The following DCP1A variants were observed in gnomAD, a reference collection of about 807,000 sequenced individuals.
DCP1A encodes decapping mRNA 1A.
Under a neutral mutation model 58.0 loss-of-function variants are expected in DCP1A, and 20 were observed. The observed-to-expected ratio is 0.34, with a 90% CI of 0.24 to 0.50. The LOEUF (loss-of-function observed/expected upper bound fraction) is 0.50. Ranked by LOEUF, DCP1A falls within the 20% of genes least tolerant of loss-of-function variation. DCP1A has a pLI of 0.98. For missense variants in DCP1A, 613 were observed against 712.2 expected (o/e 0.86, Z 1.59); for synonymous variants, 285 against 275.1 (o/e 1.04, Z -0.36).
chr3:53,345,049 A>G (rs1183055638), intron 1 of DCP1A, 107 bp from the exon 2 acceptor site: 9 of 874,492 alleles, frequency 1.0e-5, no homozygotes, highest in Non-Finnish European at 1.4e-5. Flanking sequence ...GTTTCATTTC[A>G]TCTATTATAA....
At chr3:53,320,208 A>C (rs1707922687) in intron 3 of DCP1A, among the ~76,000 whole-genome samples, 1 of 152,136 alleles carries the variant, frequency 6.6e-6, no homozygotes, top group Admixed American at 6.5e-5. Context: ...CCTATGACTG[A>C]CTGTTTACAT....
chr3:53,331,401 A>C (rs1167598315), intron 3 of DCP1A, among the ~76,000 whole-genome samples: 4 of 152,016 alleles, frequency 2.6e-5, no homozygotes, highest in African/African-American at 9.7e-5. Context: ...TTAAGATTAT[A>C]ATACCACATT....
chr3:53,284,275 A>T lies in DCP1A; in HGVS notation c.*3305T>A, dbSNP rs1553684817. On this transcript the variant is annotated 3_prime_UTR_variant, in exon 10 of 10. Transcript: ENST00000610213. ...GGCACCTTCAATTTCATGTTGCATT[A>T]TTAGTAATACAATGGCAGTTAGGGC... 6.6e-6 allele frequency: 1 copy of T among 152,186 alleles called. No homozygotes were observed. Among genetic ancestry groups the T allele is most frequent in the Non-Finnish European group, 1.5e-5 (1 of 68,036 alleles). 9.4% of individuals were successfully genotyped at this position (152,186 alleles called of 1,614,324 possible).
intron 3 of DCP1A, among the ~76,000 whole-genome samples, chr3:53,330,553 C>T (rs1181180907): frequency 3.3e-5 from 5 of 150,814 alleles, no homozygotes; most frequent in African/African-American, 7.3e-5. Context: ...TTCACCCTTA[C>T]CAAGAAGGCA....
At position 53,284,768 on chromosome 3, in the gene DCP1A, T is replaced by C. The variant is rs1706571766; in HGVS notation, c.*2812A>G. 6.6e-6 allele frequency: 1 copy of C among 152,046 alleles called. No individual in the cohort carries two copies. Among genetic ancestry groups the C allele is most frequent in the Non-Finnish European group, 1.5e-5 (1 of 68,088 alleles). The allele number at this position is 152,046 out of a possible 1,614,324, so 9.4% of individuals were successfully genotyped here. A position where few individuals can be genotyped will look rare whatever the true frequency, so the allele number is the denominator to read the frequency against. On this transcript the variant is annotated 3_prime_UTR_variant, in exon 10 of 10. Transcript: ENST00000610213. ...GTCAGGCTGGGACTTGGGTTCTTAA[T>C]AAAATACCACTCTCTGTGATGGCTA... is the stretch of plus-strand genomic sequence containing the variant.
intron 2 of DCP1A, among the ~76,000 whole-genome samples, chr3:53,343,146 T>C (rs1553692775): frequency 6.6e-6 from 1 of 152,234 alleles, no homozygotes; most frequent in Non-Finnish European, 1.5e-5. Context: ...AACAGAACAC[T>C]ATTCTATAGA....
At chr3:53,294,623 A>AG (rs1707053362) in intron 6 of DCP1A, among the ~76,000 whole-genome samples, 1 of 152,254 alleles carries the variant, frequency 6.6e-6, no homozygotes, top group South Asian at 2.1e-4. Context: ...AGGAGGCTGC[A>AG]GCGACACAGC....
intron 2 of DCP1A, 124 bp from the exon 3 acceptor site, chr3:53,342,395 C>G: frequency 1.3e-6 from 1 of 744,564 alleles, no homozygotes. Flanking sequence ...ATATTATCAG[C>G]ACTTACATCT....
At position 53,292,257 on chromosome 3, in the gene DCP1A, T is replaced by C; in HGVS notation, c.1195A>G (p.Arg399Gly). ...LPSVDLLQKL[R>G]LTPQHDQIQT... is the part of the protein sequence containing the mutation. ...ATTTGGTCATGCTGTGGGGTCAACC[T>C]GAGTTTCTGGAGAAGATCAACGCTT... Residue 399 changes from arginine (R) to glycine (G), a missense_variant, in exon 7 of 10, where the codon AGG becomes GGG. Physicochemically the swap from Arg to Gly is moderately radical, Grantham distance 125. This residue lies in a region of DCP1A where 498 missense variants were observed against 556.7 expected (regional missense o/e 0.89). Coordinates refer to ENST00000610213, the MANE Select transcript of DCP1A (RefSeq NM_018403.7). 1 of 1,613,992 alleles carries C rather than the reference T, an allele frequency of 6.2e-7. No homozygotes were observed. The highest frequency in any genetic ancestry group is 8.5e-7 in the Non-Finnish European group (1 of 1,179,890).
Position 53,292,751 on chromosome 3 carries a change from A to G in DCP1A, c.701T>C (p.Val234Ala). 1.2e-6 allele frequency: 2 copies of G among 1,613,822 alleles called. No individual in the cohort carries two copies. The highest frequency in any genetic ancestry group is 1.7e-6 in the Non-Finnish European group (2 of 1,179,882). Residue 234 changes from valine (V) to alanine (A), a missense_variant, in exon 7 of 10, where the codon GTT (valine) becomes GCT (alanine). Val to Ala is a moderately conservative substitution (Grantham distance 64). Transcript: ENST00000610213. ...GTSLPKEQPA[V>A]VGLDSEEMER... ...CATTTCTTCTGAATCCAGACCCACA[A>G]CTGCTGGTTGTTCCTTTGGCAAAGA...
chr3:53,314,667 C>CTT (rs1167830951), intron 4 of DCP1A, among the ~76,000 whole-genome samples: 2,147 of 86,682 alleles, frequency 0.025, 126 homozygotes, highest in African/African-American at 0.085. Context: ...TTTTCTTTTT[C>CTT]TTTTTTTTTT....
At chr3:53,313,115 A>T (rs1559692777) in intron 4 of DCP1A, among the ~76,000 whole-genome samples, 2 of 152,192 alleles carry the variant, frequency 1.3e-5, no homozygotes, top group African/African-American at 4.8e-5. Context: ...GCTAGCAAGG[A>T]CAAAGTCAGT....
chr3:53,321,364 C>T (rs553992638), intron 3 of DCP1A, among the ~76,000 whole-genome samples: 4 of 152,156 alleles, frequency 2.6e-5, no homozygotes, highest in Non-Finnish European at 4.4e-5. Flanking sequence ...TAGGGGTTAA[C>T]GGAGAGACTA....
Position 53,292,053 on chromosome 3 carries a change from AC to A in DCP1A, c.1383+15del. 6.9e-7 allele frequency: 1 copy of A among 1,448,894 alleles called. No individual in the cohort carries two copies. The highest frequency in any genetic ancestry group is 9.4e-7 in the Non-Finnish European group (1 of 1,068,804). The allele number at this position is 1,448,894 out of a possible 1,614,324, so 89.8% of individuals were successfully genotyped here. ...ACAGTTACCCACTCTGCCCACCCCCACCCTCCTGCCATTACCTGAAGGGGAG... is the reference window on the plus strand; with the variant it reads ...ACAGTTACCCACTCTGCCCACCCCCACCTCCTGCCATTACCTGAAGGGGAG... On this transcript the variant is annotated intron_variant, in intron 7 of 9. Coordinates refer to ENST00000610213, the MANE Select transcript of DCP1A (RefSeq NM_018403.7).
intron 2 of DCP1A, among the ~76,000 whole-genome samples, chr3:53,342,609 T>C (rs2089225995): frequency 6.6e-6 from 1 of 152,190 alleles, no homozygotes. Context: ...TCTCTGCGTG[T>C]GTGCTTCTAC....
chr3:53,290,749 T>TAAAA lies in DCP1A; in HGVS notation c.1449+38_1449+41dup, dbSNP rs61290855. 332 of 682,738 alleles carry TAAAA rather than the reference T, an allele frequency of 4.9e-4. 4 individuals are homozygous for TAAAA. The highest frequency in any genetic ancestry group is 1.6e-3 in the East Asian group (38 of 23,326). The allele number at this position is 682,738 out of a possible 1,614,324, so 42.3% of individuals were successfully genotyped here. A position where few individuals can be genotyped will look rare whatever the true frequency, so the allele number is the denominator to read the frequency against. ...TCTCACTATGGCACCCGACTAGTCT[T>TAAAA]AAAAAAAAAAAAAAAAAAAAAAAAA... On this transcript the variant is annotated intron_variant, in intron 8 of 9. Transcript: ENST00000610213.
intron 6 of DCP1A, among the ~76,000 whole-genome samples, chr3:53,303,037 C>A (rs954834906): frequency 6.6e-6 from 1 of 152,124 alleles, no homozygotes; most frequent in Admixed American, 6.6e-5. Flanking sequence ...CAATCTCAAA[C>A]CTCCTGAGCT....
At chr3:53,340,441 T>TAACAA in intron 3 of DCP1A, among the ~76,000 whole-genome samples, 1 of 152,320 alleles carries the variant, frequency 6.6e-6, no homozygotes, top group South Asian at 2.1e-4. Context: ...TACTTCAAAG[T>TAACAA]GTGCTACGGA....
rs191486969 is a variant in DCP1A at position 53,301,637 on chromosome 3, C to T, written c.624+2540G>A. 2.0e-5 allele frequency among the ~76,000 whole-genome samples: 3 copies of T among 152,272 alleles called. No individual in the cohort carries two copies. The East Asian group carries it at 5.8e-4, about 29-fold the overall frequency. On this transcript the variant is annotated intron_variant, in intron 6 of 9. Transcript: ENST00000610213. ...ATGAAGATTTATGTTCACATAAAAA[C>T]CTGTACATAAATGTTCATAGGAGCT...
Sources: gnomAD v4.1 joint callset for allele counts (sites outside exome capture counted in the v4.1 genomes callset) on GRCh38, gnomAD v4.1.1 for gene constraint, gnomAD v4.1.1 regional missense constraint, MANE v1.5 for transcripts, NCBI Gene and HGNC (gene_info 2026-07-23, HGNC 2026-07-21) for gene names.